GTPBP4: variants seen among roughly 807,000 people sequenced by gnomAD.
The protein encoded by GTPBP4 is GTP binding protein 4.
Under a neutral mutation model 81.7 loss-of-function variants are expected in GTPBP4, and 15 were observed. The ratio of observed to expected loss-of-function variants is 0.18; its 90% confidence interval spans 0.12 to 0.28. The LOEUF (loss-of-function observed/expected upper bound fraction) is 0.28, where lower values mean the gene tolerates loss of function less well. Among genes scored for constraint, GTPBP4 ranks in the 10% least tolerant of loss-of-function variants. The pLI, the probability that GTPBP4 is intolerant of heterozygous loss-of-function variation, is 1.00. For synonymous variants in GTPBP4, 272 were observed against 274.6 expected (o/e 0.99, Z 0.09); for missense variants, 847 against 793.8 (o/e 1.07, Z -0.81).
intron 6 of GTPBP4, 77 bp downstream of exon 6, chr10:999,172 G>A (rs892236075): frequency 1.6e-5 from 13 of 811,838 alleles, no homozygotes; most frequent in South Asian, 1.6e-4. Context: ...AGGCTGGAGT[G>A]CAGTGGCATG....
At chr10:1,008,875 G>T in intron 10 of GTPBP4, 83 bp from the exon 11 acceptor site, 1 of 1,007,244 alleles carries the variant, frequency 9.9e-7, no homozygotes, top group South Asian at 1.3e-5. Flanking sequence ...TGCACGTAGG[G>T]AATTTGTTTC....
At chr10:1,011,966 G>C (rs954372705) in intron 13 of GTPBP4, among the ~76,000 whole-genome samples, 4 of 152,368 alleles carry the variant, frequency 2.6e-5, no homozygotes, top group Admixed American at 2.6e-4. Context: ...ATCTCGTACA[G>C]GCACATCTGC....
chr10:1,006,042 G>A (rs994561831), intron 9 of GTPBP4, 135 bp downstream of exon 9: 11 of 580,526 alleles, frequency 1.9e-5, no homozygotes, highest in Admixed American at 1.3e-4. Flanking sequence ...GGCGGGTGGC[G>A]TGCGAGAGTG....
In GTPBP4 at chr10:1,017,077, G is replaced by A; in HGVS notation, c.1755G>A (p.Met585Ile). The part of the protein sequence containing the change: ...RDVSGLRDVK[M>I]VKKAKTMMKN... ...TTATTTTTTTCTCCTCCTTTTAGATGGTGAAGAAAGCCAAGACTATGATGA... is the reference window on the plus strand; with the variant it reads ...TTATTTTTTTCTCCTCCTTTTAGATAGTGAAGAAAGCCAAGACTATGATGA... Residue 585 changes from methionine (M) to isoleucine (I), a missense_variant and splice_region_variant, in exon 17 of 17, where the codon ATG becomes ATA. By Grantham distance (10) the Met-to-Ile change is conservative (BLOSUM62 1). Coordinates refer to ENST00000360803, the MANE Select transcript of GTPBP4 (RefSeq NM_012341.3). 3.7e-6 allele frequency: 6 copies of A among 1,608,554 alleles called. No individual in the cohort carries two copies. Among genetic ancestry groups the A allele is most frequent in the Non-Finnish European group, 5.1e-6 (6 of 1,177,868 alleles).
rs968097064 is a variant in GTPBP4, at chr10:1,018,872, A to G, written c.*1645A>G. On this transcript the variant is annotated 3_prime_UTR_variant, in exon 17 of 17. Coordinates refer to ENST00000360803, the MANE Select transcript of GTPBP4 (RefSeq NM_012341.3). ...TTCTCCGTATTAAACACCAAAACTT[A>G]ACATATAGTTTACTTTGTGTTAAAC... The G allele has an allele frequency of 3.9e-5, 6 of 152,180 alleles. No individual in the cohort carries two copies. Among genetic ancestry groups the G allele is most frequent in the African/African-American group, 1.4e-4 (6 of 41,434 alleles). The allele number at this position is 152,180 out of a possible 1,614,324, so 9.4% of individuals were successfully genotyped here.
In GTPBP4 at chr10:1,018,869, C is replaced by G. The variant is rs1018295653; in HGVS notation, c.*1642C>G. On this transcript the variant is annotated 3_prime_UTR_variant, in exon 17 of 17. Coordinates refer to ENST00000360803, the MANE Select transcript of GTPBP4 (RefSeq NM_012341.3). ...TCTTTCTCCGTATTAAACACCAAAACTTAACATATAGTTTACTTTGTGTTA... is the reference window on the plus strand; with the variant it reads ...TCTTTCTCCGTATTAAACACCAAAAGTTAACATATAGTTTACTTTGTGTTA... 2.0e-5 allele frequency: 3 copies of G among 151,488 alleles called. No homozygotes were observed. The highest frequency in any genetic ancestry group is 7.3e-5 in the African/African-American group (3 of 41,212). The allele number at this position is 151,488 out of a possible 1,614,324, so 9.4% of individuals were successfully genotyped here. A position where few individuals can be genotyped will look rare whatever the true frequency, so the allele number is the denominator to read the frequency against.
At chr10:991,454 A>T (rs902428236) in intron 1 of GTPBP4, among the ~76,000 whole-genome samples, 1 of 152,180 alleles carries the variant, frequency 6.6e-6, no homozygotes, top group South Asian at 2.1e-4. Flanking sequence ...AAAATCCTTC[A>T]TCTCCTCAAA....
rs752275153 is a variant in GTPBP4, at chr10:1,010,403, C to CT, written c.1244-9dup. 96 of 1,337,628 alleles carry CT rather than the reference C, an allele frequency of 7.2e-5. No homozygotes were observed. The highest frequency in any genetic ancestry group is 1.9e-4 in the Middle Eastern group (1 of 5,396). The allele number at this position is 1,337,628 out of a possible 1,614,324, so 82.9% of individuals were successfully genotyped here. A position where few individuals can be genotyped will look rare whatever the true frequency, so the allele number is the denominator to read the frequency against. ...TAAAAACTGCTGTAAACGTAACCAC[C>CT]TTTTTTTTAACTTTAGAGTACTGGG... On this transcript the variant is annotated splice_polypyrimidine_tract_variant and intron_variant, in intron 12 of 16. Coordinates refer to ENST00000360803, the MANE Select transcript of GTPBP4 (RefSeq NM_012341.3).
intron 1 of GTPBP4, among the ~76,000 whole-genome samples, chr10:989,353 G>A (rs748440841): frequency 3.3e-5 from 5 of 152,150 alleles, no homozygotes; most frequent in Admixed American, 6.5e-5. Flanking sequence ...GATCCCGGGT[G>A]ATCCTCCCGC....
chr10:1,002,923 C>T (rs1361078625), intron 8 of GTPBP4, among the ~76,000 whole-genome samples: 1 of 152,158 alleles, frequency 6.6e-6, no homozygotes, highest in African/African-American at 2.4e-5. Flanking sequence ...TTTGGGAATT[C>T]TTGAACTTCC....
At chr10:1,014,368 G>A in intron 15 of GTPBP4, 56 bp downstream of exon 15, 1 of 1,310,092 alleles carries the variant, frequency 7.6e-7, no homozygotes, top group Non-Finnish European at 1.1e-6. Context: ...TTTTAATAAA[G>A]AAAACTGGCC....
rs74498268 is a variant in GTPBP4 at position 1,006,226 on chromosome 10, C to T, written c.1002+319C>T. On this transcript the variant is annotated intron_variant, in intron 9 of 16. Transcript: ENST00000360803. ...GAAAATTATTTTTATGGAACCTGTTCGAAGTAGAAGGGAGAAAAGTCTGAA... is the reference window on the plus strand; with the variant it reads ...GAAAATTATTTTTATGGAACCTGTTTGAAGTAGAAGGGAGAAAAGTCTGAA... 2.9e-3 allele frequency among the ~76,000 whole-genome samples: 439 copies of T among 152,284 alleles called. 1 individual carries two copies. Among genetic ancestry groups the T allele is most frequent in the African/African-American group, 0.01 (419 of 41,548 alleles).
intron 14 of GTPBP4, among the ~76,000 whole-genome samples, chr10:1,013,272 C>T (rs779323064): frequency 3.3e-5 from 5 of 151,684 alleles, no homozygotes; most frequent in Non-Finnish European, 5.9e-5. Context: ...GCGTGAGCCA[C>T]CACGCCCGGC....
intron 8 of GTPBP4, among the ~76,000 whole-genome samples, chr10:1,001,916 TTTTA>T (rs1831641380): frequency 7.2e-6 from 1 of 139,552 alleles, no homozygotes. Context: ...GCACTTTTTT[TTTTA>T]TTTTATTTTT....
intron 2 of GTPBP4, among the ~76,000 whole-genome samples, chr10:995,487 CAG>C (rs1046084143): frequency 7.2e-5 from 7 of 96,660 alleles, no homozygotes; most frequent in African/African-American, 1.3e-4. Flanking sequence ...AGGAGAGACA[CAG>C]TGTGTCTTGG....
Position 1,012,617 on chromosome 10 carries a change from A to C in GTPBP4, c.1497A>C (p.Lys499Asn). The C allele has an allele frequency of 6.2e-7, 1 of 1,614,110 alleles. No homozygotes were observed. The highest frequency in any genetic ancestry group is 8.5e-7 in the Non-Finnish European group (1 of 1,179,992). The change falls in exon 14 of 17, where the codon AAA (lysine) becomes AAC (asparagine). Residue 499 changes from lysine (K) to asparagine (N), a missense_variant. By Grantham distance (94) the Lys-to-Asn change is moderately conservative (BLOSUM62 0). Coordinates refer to ENST00000360803, the MANE Select transcript of GTPBP4 (RefSeq NM_012341.3). ...EKKKLKILESKEKNTQGPRMP... is the reference protein window; with the variant it reads ...EKKKLKILESNEKNTQGPRMP... The stretch of plus-strand genomic sequence containing the variant: ...AGAAGTTGAAAATTCTGGAGTCCAA[A>C]GAAAAGAATACACAGGGACCCAGGA...
chr10:1,005,598 A>C (rs1205371674), intron 8 of GTPBP4, among the ~76,000 whole-genome samples: 2 of 152,124 alleles, frequency 1.3e-5, no homozygotes, highest in Non-Finnish European at 2.9e-5. Context: ...GACAGATGTG[A>C]GGGGCTACTA....
Position 1,008,964 on chromosome 10 carries a change from C to T in GTPBP4, c.1120C>T (p.Pro374Ser). 1 of 1,607,122 alleles carries T rather than the reference C, an allele frequency of 6.2e-7. No homozygotes were observed. Among genetic ancestry groups the T allele is most frequent in the South Asian group, 1.1e-5 (1 of 90,924 alleles). The change falls in exon 11 of 17, where the codon CCC (proline) becomes TCC (serine). Residue 374 changes from proline (P) to serine (S), a missense_variant. Pro to Ser is a moderately conservative substitution (Grantham distance 74). This residue lies in a region of GTPBP4 where 600 missense variants were observed against 557.1 expected (regional missense o/e 1.08). Transcript: ENST00000360803. ...TTATATGGGATCTTCTCAGGAGAGG[C>T]CCCCTTTCATCCCTGAAGGAGTGGT... ...IPTRRDDKER[P>S]PFIPEGVVAR...
At chr10:1,001,551 G>A (rs753792114) in intron 8 of GTPBP4, among the ~76,000 whole-genome samples, 3 of 152,152 alleles carry the variant, frequency 2.0e-5, no homozygotes, top group African/African-American at 4.8e-5. Context: ...TTTTAGAAGC[G>A]TGCACTGGTG....
Sources: gnomAD v4.1 joint callset for allele counts (sites outside exome capture counted in the v4.1 genomes callset) on GRCh38, gnomAD v4.1.1 for gene constraint, gnomAD v4.1.1 regional missense constraint, MANE v1.5 for transcripts, NCBI Gene and HGNC (gene_info 2026-07-23, HGNC 2026-07-21) for gene names.